Variants in TTC21A observed in about 807,000 individuals in gnomAD.
The protein encoded by TTC21A is tetratricopeptide repeat domain 21A, also known as tetratricopeptide repeat protein 21A.
A neutral mutation model predicts 156.4 loss-of-function variants in TTC21A; 128 were observed. That is an observed-to-expected ratio of 0.82 (90% confidence interval 0.71 to 0.95). TTC21A has a LOEUF of 0.95. Ranked by LOEUF, TTC21A falls within the 40% of genes least tolerant of loss-of-function variation. The pLI is 0.00. For synonymous variants in TTC21A, 587 were observed against 617.1 expected (o/e 0.95, Z 0.72); for missense variants, 1,435 against 1,602.3 (o/e 0.90, Z 1.78).
intron 11 of TTC21A, 127 bp from the exon 12 acceptor site, chr3:39,126,134 A>T: frequency 8.4e-7 from 1 of 1,196,406 alleles, no homozygotes; most frequent in Non-Finnish European, 1.2e-6. Context: ...ACTAGGTGAT[A>T]CAGAGGATAA....
chr3:39,119,570 C>A (rs2037570540), intron 7 of TTC21A: 1 of 154,408 alleles, frequency 6.5e-6, no homozygotes, highest in African/African-American at 2.6e-5. Context: ...AAGGCAACTT[C>A]TCTTCACAAA....
At chr3:39,138,441 G>A (rs2039301435) in intron 27 of TTC21A, 54 bp downstream of exon 27, 1 of 1,613,356 alleles carries the variant, frequency 6.2e-7, no homozygotes, top group Non-Finnish European at 8.5e-7. Flanking sequence ...AGGTGGGCAG[G>A]AGGGCCCCCA....
rs191181562 is a variant in TTC21A at position 39,128,407 on chromosome 3, C to G, written c.1599C>G (p.Leu533=). The G allele has an allele frequency of 2.7e-5, 43 of 1,614,194 alleles. No individual in the cohort carries two copies. In the East Asian group the frequency reaches 9.6e-4, roughly 36 times the overall value. The change falls in exon 13 of 29, where the codon CTC becomes CTG. Residue 533 remains leucine (L), a synonymous_variant. Coordinates refer to ENST00000683103, the MANE Select transcript of TTC21A (RefSeq NM_001366900.1). ...CCGCCTCCGTGGATGCCCATCTCCT[C>G]ATGTGTCAGATCTACTTGGCTCAGG... ...LDPASVDAHL[L]MCQIYLAQGN... is the part of the protein sequence containing the mutation.
chr3:39,108,175 T>G (rs372535645), intron 1 of TTC21A: 6 of 560,274 alleles, frequency 1.1e-5, no homozygotes. Flanking sequence ...CCACCCCAGT[T>G]GATGGCTTCA....
At position 39,110,898 on chromosome 3, in the gene TTC21A, A is replaced by G; in HGVS notation, c.316A>G (p.Lys106Glu). Residue 106 changes from lysine (K) to glutamate (E), a missense_variant, in exon 4 of 29, where the codon AAG (lysine) becomes GAG (glutamate). Coordinates refer to ENST00000683103, the MANE Select transcript of TTC21A (RefSeq NM_001366900.1). ...TGAGTACAGCCTGAAGGAAATACGC[A>G]AGACAGTCAGTGGGACTGCACTGTA... is the stretch of plus-strand genomic sequence containing the variant. ...ELEYSLKEIR[K>E]TVSGTALYYA... The G allele has an allele frequency of 6.2e-7, 1 of 1,614,060 alleles. No individual in the cohort carries two copies. Among genetic ancestry groups the G allele is most frequent in the Non-Finnish European group, 8.5e-7 (1 of 1,180,020 alleles).
At chr3:39,138,656 T>C in intron 28 of TTC21A, 33 bp downstream of exon 28, 1 of 1,613,904 alleles carries the variant, frequency 6.2e-7, no homozygotes, top group Non-Finnish European at 8.5e-7. Flanking sequence ...GAGGGCCTGG[T>C]GTAGTGGTGG....
At chr3:39,124,227 T>C (rs2038017026) in intron 9 of TTC21A, among the ~76,000 whole-genome samples, 1 of 152,192 alleles carries the variant, frequency 6.6e-6, no homozygotes, top group African/African-American at 2.4e-5. Flanking sequence ...TTAGATGTCC[T>C]TCAGTAGGGC....
At chr3:39,113,871 G>GT (rs2037044546) in intron 5 of TTC21A, among the ~76,000 whole-genome samples, 1 of 152,166 alleles carries the variant, frequency 6.6e-6, no homozygotes, top group Non-Finnish European at 1.5e-5. Context: ...ACATTTATGC[G>GT]TAAGTCTTCA....
chr3:39,121,162 G>T lies in TTC21A; in HGVS notation c.1066G>T (p.Asp356Tyr). Reference protein sequence around the residue: ...LLWYSEAMKLDKDGMAGLTGI... With the variant: ...LLWYSEAMKLYKDGMAGLTGI... ...GTGGTATTCAGAAGCCATGAAACTG[G>T]ACAAGGATGGCATGGCTGGTTTGAC... The change falls in exon 9 of 29, where the codon GAC becomes TAC. Residue 356 changes from aspartate (D) to tyrosine (Y), a missense_variant. By Grantham distance (160) the Asp-to-Tyr change is radical. Transcript: ENST00000683103. 6.2e-7 allele frequency: 1 copy of T among 1,613,840 alleles called. No individual in the cohort carries two copies. Among genetic ancestry groups the T allele is most frequent in the Non-Finnish European group, 8.5e-7 (1 of 1,179,792 alleles).
chr3:39,110,843 A>G lies in TTC21A; in HGVS notation c.269-8A>G. ...ACTCTCCCTCTTCCTTCGCTCTTGG[A>G]TTTACAGACCGAGAAGCAATTCAGG... On this transcript the variant is annotated splice_region_variant and splice_polypyrimidine_tract_variant and intron_variant, in intron 3 of 28. Transcript: ENST00000683103. 6.2e-7 allele frequency: 1 copy of G among 1,613,622 alleles called. No individual in the cohort carries two copies. The highest frequency in any genetic ancestry group is 8.5e-7 in the Non-Finnish European group (1 of 1,179,970).
chr3:39,111,851 A>G (rs1018905212), intron 4 of TTC21A, among the ~76,000 whole-genome samples: 3 of 152,228 alleles, frequency 2.0e-5, no homozygotes, highest in Non-Finnish European at 2.9e-5. Context: ...TAGGCCATCA[A>G]GAGGGGTGCT....
At chr3:39,109,004 G>A (rs1418623843) in intron 1 of TTC21A, 81 bp from the exon 2 acceptor site, 3 of 1,475,006 alleles carry the variant, frequency 2.0e-6, no homozygotes, top group African/African-American at 1.4e-5. Context: ...GATAGGGAAG[G>A]GAGCAGGTCT....
At chr3:39,137,462 G>A (rs1448920041) in intron 25 of TTC21A, 24 bp from the exon 26 acceptor site, 15 of 1,612,816 alleles carry the variant, frequency 9.3e-6, no homozygotes, top group Admixed American at 3.3e-5. Flanking sequence ...ACGTGCTGAC[G>A]TCCACTTCCT....
rs1476425570 is a variant in TTC21A, at chr3:39,111,102, G to A, written c.435+85G>A. The stretch of plus-strand genomic sequence containing the variant: ...AGGGTGGCCCTCATTCCCACAAAGG[G>A]CCCTGAAACTGGGGGAGAGCCACAC... On this transcript the variant is annotated intron_variant, in intron 4 of 28. Transcript: ENST00000683103. 15 of 1,445,166 alleles carry A rather than the reference G, an allele frequency of 1.0e-5. No individual in the cohort carries two copies. In the East Asian group the frequency reaches 2.8e-4, roughly 27 times the overall value. 89.5% of individuals were successfully genotyped at this position (1,445,166 alleles called of 1,614,324 possible). A position where few individuals can be genotyped will look rare whatever the true frequency, so the allele number is the denominator to read the frequency against.
At chr3:39,129,913 C>T (rs1464607471) in intron 15 of TTC21A, among the ~76,000 whole-genome samples, 166 bp from the exon 16 acceptor site, 2 of 152,182 alleles carry the variant, frequency 1.3e-5, no homozygotes, top group Non-Finnish European at 2.9e-5. Flanking sequence ...GAGCCTGACT[C>T]AGGTAGCTAG....
At chr3:39,112,227 A>G (rs369403799) in intron 4 of TTC21A, among the ~76,000 whole-genome samples, 8 of 152,288 alleles carry the variant, frequency 5.3e-5, no homozygotes, top group African/African-American at 1.9e-4. Context: ...GGTAATGGAC[A>G]TTAGGTGAAG....
chr3:39,121,169 A>G lies in TTC21A; in HGVS notation c.1073A>G (p.Asp358Gly). 2 of 1,613,610 alleles carry G rather than the reference A, an allele frequency of 1.2e-6. No homozygotes were observed. The highest frequency in any genetic ancestry group is 1.1e-5 in the South Asian group (1 of 91,028). The change falls in exon 9 of 29, where the codon GAT becomes GGT. Residue 358 changes from aspartate (D) to glycine (G), a missense_variant. Physicochemically the swap from Asp to Gly is moderately conservative, Grantham distance 94. Coordinates refer to ENST00000683103, the MANE Select transcript of TTC21A (RefSeq NM_001366900.1). ...WYSEAMKLDK[D>G]GMAGLTGIIL... The stretch of plus-strand genomic sequence containing the variant: ...TCAGAAGCCATGAAACTGGACAAGG[A>G]TGGCATGGCTGGTTTGACAGGTATA...
At chr3:39,128,153 A>G (rs763136124) in intron 12 of TTC21A, among the ~76,000 whole-genome samples, 178 bp from the exon 13 acceptor site, 2 of 152,228 alleles carry the variant, frequency 1.3e-5, no homozygotes, top group Non-Finnish European at 2.9e-5. Context: ...CAAGGAAACA[A>G]CTGTGTAGTC....
At chr3:39,116,140 C>G (rs1211843206) in intron 6 of TTC21A, among the ~76,000 whole-genome samples, 2 of 152,242 alleles carry the variant, frequency 1.3e-5, no homozygotes, top group Admixed American at 6.5e-5. Flanking sequence ...CCTGCTGTGC[C>G]CATGTGCAGG....
Sources: gnomAD v4.1 joint callset for allele counts (sites outside exome capture counted in the v4.1 genomes callset) on GRCh38, gnomAD v4.1.1 for gene constraint, MANE v1.5 for transcripts, NCBI Gene and HGNC (gene_info 2026-07-23, HGNC 2026-07-21) for gene names.